OPCML: variants seen among roughly 807,000 people sequenced by gnomAD.
OPCML encodes opioid-binding protein/cell adhesion molecule.
In OPCML, 13 loss-of-function variants were observed where a neutral mutation model predicts 37.8. The observed-to-expected ratio is 0.34, with a 90% CI of 0.22 to 0.55. OPCML has a LOEUF of 0.55. OPCML is among the 20% of genes least tolerant of loss of function. OPCML has a pLI of 0.91. For synonymous variants in OPCML, 176 were observed against 168.8 expected (o/e 1.04, Z -0.33); for missense variants, 341 against 435.6 (o/e 0.78, Z 1.93).
At chr11:133,447,213 C>T (rs1161535301) in intron 1 of OPCML, among the ~76,000 whole-genome samples, 1 of 152,096 alleles carries the variant, frequency 6.6e-6, no homozygotes. Flanking sequence ...TATTGTCTGT[C>T]TTTTTTTCTT....
chr11:133,506,719 G>A (rs2120584774), intron 1 of OPCML, among the ~76,000 whole-genome samples: 1 of 152,310 alleles, frequency 6.6e-6, no homozygotes, highest in South Asian at 2.1e-4. Context: ...GCATGGTATT[G>A]TCCTAGCCAC....
At chr11:133,020,620 G>T (rs1336370079) in intron 1 of OPCML, among the ~76,000 whole-genome samples, 1 of 152,104 alleles carries the variant, frequency 6.6e-6, no homozygotes, top group Non-Finnish European at 1.5e-5. Flanking sequence ...GGGAACTCAG[G>T]ATTAGAGAAA....
intron 3 of OPCML, among the ~76,000 whole-genome samples, chr11:132,565,288 C>T (rs2137530462): frequency 6.6e-6 from 1 of 152,288 alleles, no homozygotes; most frequent in Middle Eastern, 3.4e-3. Context: ...ACCTTCTCAA[C>T]TTGGGCTGTT....
intron 4 of OPCML, among the ~76,000 whole-genome samples, chr11:132,465,529 T>C (rs1279491237): frequency 6.7e-6 from 1 of 150,016 alleles, no homozygotes; most frequent in Non-Finnish European, 1.5e-5. Flanking sequence ...AATTTTTCGA[T>C]TGGACTTTTT....
chr11:132,424,577 C>T (rs1004620640), intron 7 of OPCML, among the ~76,000 whole-genome samples: 17 of 152,318 alleles, frequency 1.1e-4, no homozygotes, highest in Admixed American at 2.6e-4. Flanking sequence ...GCTCTCTACG[C>T]TCCCCCGGGG....
intron 2 of OPCML, among the ~76,000 whole-genome samples, chr11:132,742,591 C>T (rs1945466922): frequency 1.3e-5 from 2 of 151,952 alleles, no homozygotes; most frequent in African/African-American, 4.8e-5. Context: ...CTATCTAAGC[C>T]ACTCTATCTC....
At chr11:132,898,838 G>GCC (rs57148567) in intron 2 of OPCML, among the ~76,000 whole-genome samples, 53 of 149,450 alleles carry the variant, frequency 3.5e-4, no homozygotes, top group African/African-American at 1.2e-3. Context: ...AGTTTAGACT[G>GCC]CCCCCCCCAC....
At chr11:133,396,358 A>G (rs1945286105) in intron 1 of OPCML, among the ~76,000 whole-genome samples, 1 of 152,014 alleles carries the variant, frequency 6.6e-6, no homozygotes, top group Non-Finnish European at 1.5e-5. Flanking sequence ...TTTCCTTTCC[A>G]ATTTGAATGC....
chr11:132,565,906 G>A (rs984489273), intron 3 of OPCML, among the ~76,000 whole-genome samples: 6 of 152,238 alleles, frequency 3.9e-5, no homozygotes, highest in South Asian at 4.1e-4. Context: ...GGTGGCGGGC[G>A]CCTGCAGTCC....
intron 2 of OPCML, among the ~76,000 whole-genome samples, chr11:132,697,726 G>C (rs986256973): frequency 6.6e-6 from 1 of 152,032 alleles, no homozygotes; most frequent in Non-Finnish European, 1.5e-5. Context: ...GTGTTGCAGT[G>C]AACATGGCAG....
intron 1 of OPCML, among the ~76,000 whole-genome samples, chr11:133,255,552 G>T (rs1232109402): frequency 6.6e-6 from 1 of 152,068 alleles, no homozygotes; most frequent in Non-Finnish European, 1.5e-5. Context: ...AAACATTTTT[G>T]GATTGGGGGA....
chr11:133,073,950 C>T (rs1948583980), intron 1 of OPCML, among the ~76,000 whole-genome samples: 1 of 152,182 alleles, frequency 6.6e-6, no homozygotes, highest in South Asian at 2.1e-4. Context: ...ATAGCACACC[C>T]TGGGATGGAA....
chr11:132,594,852 C>G (rs1296434840), intron 3 of OPCML, among the ~76,000 whole-genome samples: 1 of 152,154 alleles, frequency 6.6e-6, no homozygotes, highest in Admixed American at 6.5e-5. Flanking sequence ...TACATAAAAG[C>G]TAAGTCCACA....
At chr11:133,477,883 C>T (rs576029200) in intron 1 of OPCML, among the ~76,000 whole-genome samples, 13 of 152,182 alleles carry the variant, frequency 8.5e-5, no homozygotes, top group East Asian at 3.9e-4. Context: ...TAACCAAAGA[C>T]GAGATTTTAT....
chr11:132,540,547 A>C (rs1175695842), intron 3 of OPCML, among the ~76,000 whole-genome samples: 2 of 152,176 alleles, frequency 1.3e-5, no homozygotes, highest in Non-Finnish European at 2.9e-5. Flanking sequence ...CTGAGTGTGA[A>C]TGAGACTCCC....
intron 1 of OPCML, among the ~76,000 whole-genome samples, chr11:133,364,811 C>G (rs1219996883): frequency 6.6e-6 from 1 of 151,868 alleles, no homozygotes; most frequent in East Asian, 1.9e-4. Context: ...CGGATTGGAC[C>G]CTCTGACAGG....
intron 2 of OPCML, among the ~76,000 whole-genome samples, chr11:132,686,996 G>T (rs929166016): frequency 6.1e-5 from 9 of 146,924 alleles, no homozygotes; most frequent in African/African-American, 7.6e-5. Flanking sequence ...CTACTCAGCT[G>T]CCCCCTGAGA....
chr11:133,484,891 C>G (rs1258814741), intron 1 of OPCML, among the ~76,000 whole-genome samples: 2 of 151,580 alleles, frequency 1.3e-5, no homozygotes, highest in Admixed American at 1.3e-4. Flanking sequence ...AAATTAACAA[C>G]TATATGTAAC....
At chr11:133,311,359 A>G (rs548662454) in intron 1 of OPCML, among the ~76,000 whole-genome samples, 16 of 152,356 alleles carry the variant, frequency 1.1e-4, no homozygotes, top group Admixed American at 2.6e-4. Context: ...GTTATGCAAC[A>G]TAACAGCTTT....
Sources: gnomAD v4.1 joint callset for allele counts (sites outside exome capture counted in the v4.1 genomes callset) on GRCh38, gnomAD v4.1.1 for gene constraint, MANE v1.5 for transcripts, NCBI Gene and HGNC (gene_info 2026-07-23, HGNC 2026-07-21) for gene names.